DCDC1: variants seen among roughly 807,000 people sequenced by gnomAD.
DCDC1 encodes doublecortin domain containing 1, also known as doublecortin domain-containing protein 1.
DCDC1 carries 200 observed loss-of-function variants against 178.3 expected under a neutral mutation model. The ratio of observed to expected loss-of-function variants is 1.12; its 90% CI spans 1.00 to 1.26. The LOEUF is 1.26. Ranked by LOEUF, DCDC1 falls within the 50% of genes most tolerant of loss-of-function variation. The pLI is 0.00. For missense variants in DCDC1, 1,983 were observed against 1,749.2 expected, an observed-to-expected ratio of 1.13 and a Z score of -2.38; for synonymous variants, 690 against 604.8, an observed-to-expected ratio of 1.14 and a Z score of -2.07.
At chr11:31,009,921 A>G (rs552854400) in intron 20 of DCDC1, among the ~76,000 whole-genome samples, 1 of 152,270 alleles carries the variant, frequency 6.6e-6, no homozygotes, top group East Asian at 1.9e-4. Flanking sequence ...CTGACAAGCA[A>G]AGGGGGGAAA....
intron 9 of DCDC1, among the ~76,000 whole-genome samples, chr11:31,141,297 TA>T (rs1321979130): frequency 6.6e-6 from 1 of 152,200 alleles, no homozygotes; most frequent in Non-Finnish European, 1.5e-5. Flanking sequence ...TACAGTAATT[TA>T]ACCAGCTAGT....
chr11:31,064,463 C>T lies in DCDC1; in HGVS notation c.2591+6G>A, dbSNP rs1379149691. ...GCAATAAAGCTCAGTTCTGTCAGTA[C>T]CCTACCTCTGAGCAGAAGCCTTAGG... On this transcript the variant is annotated splice_donor_region_variant and intron_variant, in intron 20 of 38. Coordinates refer to ENST00000684477, the MANE Select transcript of DCDC1 (RefSeq NM_001387274.1). The T allele has an allele frequency of 2.6e-6, 2 of 763,812 alleles. No individual in the cohort carries two copies. The highest frequency in any genetic ancestry group is 1.7e-5 in the African/African-American group (1 of 58,964). 47.3% of individuals were successfully genotyped at this position (763,812 alleles called of 1,614,324 possible). A position where few individuals can be genotyped will look rare whatever the true frequency, so the allele number is the denominator to read the frequency against.
At chr11:30,980,864 C>T (rs990173068) in intron 20 of DCDC1, among the ~76,000 whole-genome samples, 10 of 151,894 alleles carry the variant, frequency 6.6e-5, no homozygotes, top group African/African-American at 2.2e-4. Flanking sequence ...GTGCATCTGC[C>T]CAAAGGAAGA....
At chr11:31,016,421 T>C (rs769867444) in intron 20 of DCDC1, among the ~76,000 whole-genome samples, 15 of 152,170 alleles carry the variant, frequency 9.9e-5, no homozygotes, top group Non-Finnish European at 1.8e-4. Flanking sequence ...AAGTTTAATG[T>C]AGTGACATAT....
intron 1 of DCDC1, among the ~76,000 whole-genome samples, chr11:31,352,496 C>T (rs570636535): frequency 6.6e-6 from 1 of 152,254 alleles, no homozygotes; most frequent in South Asian, 2.1e-4. Context: ...GAGCTTTCGA[C>T]TATTGTATTA....
rs61878166 is a variant in DCDC1 at position 31,011,454 on chromosome 11, T to C, written c.2591+53015A>G. ...CAAGCAATAGAAAATGGGTAAAAGA[T>C]ATGGATATGCAATTCACCAAAAAGG... is the stretch of plus-strand genomic sequence containing the variant. On this transcript the variant is annotated intron_variant, in intron 20 of 38. Coordinates refer to ENST00000684477, the MANE Select transcript of DCDC1 (RefSeq NM_001387274.1). 6.6e-3 allele frequency among the ~76,000 whole-genome samples: 1,005 copies of C among 152,302 alleles called. 14 individuals carry two copies. Among genetic ancestry groups the C allele is most frequent in the Non-Finnish European group, 9.2e-3 (629 of 68,026 alleles).
intron 2 of DCDC1, among the ~76,000 whole-genome samples, chr11:31,332,730 T>C (rs1950062399): frequency 6.6e-6 from 1 of 152,222 alleles, no homozygotes; most frequent in Non-Finnish European, 1.5e-5. Context: ...TTGATTGCAC[T>C]GTGGTCTGAG....
At chr11:31,303,252 T>C (rs189051020) in intron 6 of DCDC1, among the ~76,000 whole-genome samples, 3 of 152,322 alleles carry the variant, frequency 2.0e-5, no homozygotes, top group Admixed American at 2.0e-4. Flanking sequence ...TAAATGTTTG[T>C]TGAATGAATA....
intron 21 of DCDC1, among the ~76,000 whole-genome samples, chr11:30,935,803 C>T (rs893372668): frequency 8.5e-5 from 13 of 152,300 alleles, no homozygotes; most frequent in Non-Finnish European, 1.8e-4. Context: ...CCGCCCGCCT[C>T]GGCCTCCCAA....
At chr11:30,892,337 G>C (rs1590248459) in intron 36 of DCDC1, among the ~76,000 whole-genome samples, 1 of 152,186 alleles carries the variant, frequency 6.6e-6, no homozygotes, top group East Asian at 1.9e-4. Context: ...GAGTACCACT[G>C]TTTTTCTTAG....
chr11:30,955,777 T>C (rs1015058159), intron 20 of DCDC1, among the ~76,000 whole-genome samples: 2 of 152,216 alleles, frequency 1.3e-5, no homozygotes, highest in African/African-American at 2.4e-5. Flanking sequence ...TCCAGCGTCA[T>C]AGCCACTGTC....
intron 38 of DCDC1, among the ~76,000 whole-genome samples, chr11:30,877,744 G>T (rs950159911): frequency 2.6e-5 from 4 of 152,076 alleles, no homozygotes; most frequent in Admixed American, 6.6e-5. Flanking sequence ...GATTTGTGTG[G>T]CATTTGGTGG....
chr11:31,059,265 C>G (rs1955783798), intron 20 of DCDC1, among the ~76,000 whole-genome samples: 1 of 151,912 alleles, frequency 6.6e-6, no homozygotes, highest in Admixed American at 6.6e-5. Flanking sequence ...ATTATTTGTT[C>G]ACTTTATTTT....
intron 20 of DCDC1, among the ~76,000 whole-genome samples, chr11:31,018,364 G>T (rs190729952): frequency 5.3e-5 from 8 of 152,272 alleles, no homozygotes; most frequent in African/African-American, 1.7e-4. Context: ...TTGACATCGA[G>T]AGGAAGGTGT....
At chr11:31,088,622 A>G (rs1039005620) in intron 17 of DCDC1, among the ~76,000 whole-genome samples, 1 of 152,092 alleles carries the variant, frequency 6.6e-6, no homozygotes, top group Non-Finnish European at 1.5e-5. Context: ...TTTTATTTCT[A>G]CATATTATCT....
chr11:31,345,741 C>T (rs1950782875), intron 1 of DCDC1, among the ~76,000 whole-genome samples: 1 of 152,080 alleles, frequency 6.6e-6, no homozygotes, highest in Admixed American at 6.5e-5. Flanking sequence ...TGTACTTTTC[C>T]TTCTTTCCTG....
At chr11:31,350,008 A>G (rs936081097) in intron 1 of DCDC1, among the ~76,000 whole-genome samples, 5 of 152,198 alleles carry the variant, frequency 3.3e-5, no homozygotes, top group Non-Finnish European at 7.4e-5. Context: ...ATTCTTGTAT[A>G]TATACCTTTG....
intron 20 of DCDC1, among the ~76,000 whole-genome samples, chr11:31,022,310 C>T (rs1454142603): frequency 2.0e-5 from 3 of 152,098 alleles, no homozygotes; most frequent in South Asian, 2.1e-4. Context: ...CAATCTCTGC[C>T]TCTATTGACA....
At chr11:31,143,680 A>T (rs999159981) in intron 9 of DCDC1, among the ~76,000 whole-genome samples, 1 of 152,236 alleles carries the variant, frequency 6.6e-6, no homozygotes, top group East Asian at 1.9e-4. Context: ...AGATGCCTTA[A>T]CTAAGTCCTG....
Sources: allele counts gnomAD v4.1 joint callset (sites outside exome capture counted in the v4.1 genomes callset), GRCh38; gene constraint gnomAD v4.1.1; transcripts MANE v1.5; gene names NCBI Gene and HGNC (gene_info 2026-07-23, HGNC 2026-07-21).